ATAD3B: variants seen among roughly 807,000 people sequenced by gnomAD.
ATAD3B encodes ATPase family AAA domain containing 3B.
A neutral mutation model predicts 70.2 loss-of-function variants in ATAD3B; 59 were observed. The ratio of observed to expected loss-of-function variants is 0.84; its 90% CI spans 0.68 to 1.04. The LOEUF (loss-of-function observed/expected upper bound fraction) is 1.04, where lower values mean the gene tolerates loss of function less well. ATAD3B is among the 50% of genes least tolerant of loss of function. The pLI is 0.00. For synonymous variants in ATAD3B, 423 were observed against 388.6 expected (o/e 1.09, Z -1.04); for missense variants, 961 against 913.4 (o/e 1.05, Z -0.67).
At chr1:1,472,395 CG>C (rs1299851485) in intron 1 of ATAD3B, among the ~76,000 whole-genome samples, 2 of 152,084 alleles carry the variant, frequency 1.3e-5, no homozygotes, top group South Asian at 2.1e-4. Flanking sequence ...GCCGAGCGTG[CG>C]GGATCCTTCT....
At chr1:1,489,618 C>T in intron 13 of ATAD3B, 1 of 1,299,696 alleles carries the variant, frequency 7.7e-7, no homozygotes, top group Non-Finnish European at 1.0e-6. Context: ...GGGTGACCGG[C>T]CCTATGTCCA....
At chr1:1,491,327 T>C (rs1222597057) in intron 15 of ATAD3B, among the ~76,000 whole-genome samples, 1 of 151,798 alleles carries the variant, frequency 6.6e-6, no homozygotes, top group Non-Finnish European at 1.5e-5. Flanking sequence ...CGGGGTCAGA[T>C]TGAGACCATC....
the ATAD3B span, among the ~76,000 whole-genome samples, chr1:1,507,595 G>A: frequency 6.6e-6 from 1 of 152,142 alleles, no homozygotes; most frequent in Non-Finnish European, 1.5e-5. Context: ...TCACTTTGCT[G>A]GCATTTTGTT....
chr1:1,496,316 C>T lies in ATAD3B; in HGVS notation c.*499C>T, dbSNP rs1280818502. ...AGGCTGGAGCTTTCTGGAGAATTTA[C>T]TGATCACAGAGCGGTGTGCTTCACA... On this transcript the variant is annotated 3_prime_UTR_variant, in exon 16 of 16. Coordinates refer to ENST00000673477, the MANE Select transcript of ATAD3B (RefSeq NM_031921.6). The T allele has an allele frequency of 1.1e-6, 1 of 890,810 alleles. No individual in the cohort carries two copies. Among genetic ancestry groups the T allele is most frequent in the African/African-American group, 1.8e-5 (1 of 55,664 alleles). The allele number at this position is 890,810 out of a possible 1,614,324, so 55.2% of individuals were successfully genotyped here.
chr1:1,505,508 C>A, the ATAD3B span, among the ~76,000 whole-genome samples: 1 of 152,080 alleles, frequency 6.6e-6, no homozygotes, highest in Non-Finnish European at 1.5e-5. Context: ...CTCTAAACTC[C>A]CCCGGGGAAA....
chr1:1,498,078 G>A (rs376413730), downstream of ATAD3B, among the ~76,000 whole-genome samples: 35 of 151,852 alleles, frequency 2.3e-4, no homozygotes, highest in East Asian at 6.4e-3. Context: ...TGAGGCGGGT[G>A]GATCACCTGA....
At chr1:1,487,796 G>A (rs369424999) in intron 11 of ATAD3B, 67 bp from the exon 12 acceptor site, 9 of 1,587,278 alleles carry the variant, frequency 5.7e-6, no homozygotes, top group Non-Finnish European at 7.8e-6. Context: ...TCCTGCCGCG[G>A]CCGGACGCTG....
rs1367298362 is a variant in ATAD3B at position 1,482,455 on chromosome 1, C to T, written c.681-90C>T. The T allele has an allele frequency of 7.3e-5, 117 of 1,606,618 alleles. 3 individuals are homozygous for T. The highest frequency in any genetic ancestry group is 1.8e-4 in the Admixed American group (11 of 59,794). On this transcript the variant is annotated intron_variant, in intron 6 of 15. Coordinates refer to ENST00000673477, the MANE Select transcript of ATAD3B (RefSeq NM_031921.6). ...CCCCTCTGTCCTGGCAAGGCCGTGC[C>T]GCCATGTCAGGGCCTCACCCTCAAC...
chr1:1,504,507 G>A, the ATAD3B span, among the ~76,000 whole-genome samples: 3 of 151,848 alleles, frequency 2.0e-5, no homozygotes, highest in South Asian at 2.1e-4. Context: ...AAAATTAGCC[G>A]GGCGTGGTGG....
intron 10 of ATAD3B, 151 bp from the exon 11 acceptor site, chr1:1,486,393 C>G (rs1238440578): frequency 6.3e-7 from 1 of 1,581,974 alleles, no homozygotes; most frequent in Non-Finnish European, 8.6e-7. Context: ...CAGCGCCTCC[C>G]ATCTTCCAGG....
downstream of ATAD3B, among the ~76,000 whole-genome samples, chr1:1,499,472 T>C (rs1328500203): frequency 6.6e-6 from 1 of 151,632 alleles, no homozygotes. Flanking sequence ...CCTGACCTCA[T>C]GATCCGCACT....
chr1:1,474,674 G>GT lies in ATAD3B; in HGVS notation c.205+2592dup, dbSNP rs200910752. 9.9e-3 allele frequency among the ~76,000 whole-genome samples: 1,499 copies of GT among 151,952 alleles called. 36 individuals are homozygous for GT. The highest frequency in any genetic ancestry group is 0.034 in the African/African-American group (1,397 of 41,432). On this transcript the variant is annotated intron_variant, in intron 1 of 15. Coordinates refer to ENST00000673477, the MANE Select transcript of ATAD3B (RefSeq NM_031921.6). ...GCCAGCACACCTGGCTAATTTTTGTGTTTTTTTACTAGAGACGGGGTTTCA... is the reference window on the plus strand; with the variant it reads ...GCCAGCACACCTGGCTAATTTTTGTGTTTTTTTTACTAGAGACGGGGTTTCA...
chr1:1,489,163 C>A (rs765870857), intron 12 of ATAD3B, 41 bp from the exon 13 acceptor site: 1 of 1,612,384 alleles, frequency 6.2e-7, no homozygotes, highest in South Asian at 1.1e-5. Context: ...GTTTACAAGG[C>A]TTTGCTTCTG....
At chr1:1,486,271 C>T (rs776167469) in intron 10 of ATAD3B, 36 bp downstream of exon 10, 23 of 1,611,840 alleles carry the variant, frequency 1.4e-5, no homozygotes, top group East Asian at 2.2e-5. Flanking sequence ...GGCCAGGGGC[C>T]GCTGGGGTCT....
rs778595226 is a variant in ATAD3B, at chr1:1,477,347, C to G, written c.279C>G (p.Leu93=). 2.5e-6 allele frequency: 4 copies of G among 1,612,120 alleles called. No individual in the cohort carries two copies. Among genetic ancestry groups the G allele is most frequent in the East Asian group, 4.5e-5 (2 of 44,880 alleles). ...QTLQLEQQSK[L]KEYEAAVEQL... is the part of the protein sequence containing the mutation. ...TGCAGTTGGAGCAACAGTCCAAGCT[C>G]AAAGTGAGTGGGGCCGGTGTGGGCG... The change falls in exon 2 of 16, where the codon CTC becomes CTG. Residue 93 remains leucine (L), a synonymous_variant. Transcript: ENST00000673477.
At chr1:1,486,396 C>T in intron 10 of ATAD3B, 148 bp from the exon 11 acceptor site, 4 of 1,581,984 alleles carry the variant, frequency 2.5e-6, no homozygotes, top group Non-Finnish European at 3.4e-6. Context: ...CGCCTCCCAT[C>T]TTCCAGGCGG....
chr1:1,473,212 T>G (rs1239092710), intron 1 of ATAD3B, among the ~76,000 whole-genome samples: 1 of 128,090 alleles, frequency 7.8e-6, no homozygotes, highest in African/African-American at 3.0e-5. Flanking sequence ...TGATCTCCAC[T>G]CACTGCAAGC....
downstream of ATAD3B, among the ~76,000 whole-genome samples, chr1:1,501,367 G>T (rs904169409): frequency 6.6e-6 from 1 of 151,768 alleles, no homozygotes; most frequent in Non-Finnish European, 1.5e-5. Context: ...CCATTCTCCT[G>T]CCTCAGCCTC....
At chr1:1,503,256 C>A in the ATAD3B span, 1 of 249,508 alleles carries the variant, frequency 4.0e-6, no homozygotes, top group Non-Finnish European at 8.0e-6. Context: ...GCATATGTAT[C>A]ATGATAAAAT....
Sources: gnomAD v4.1 joint callset for allele counts (sites outside exome capture counted in the v4.1 genomes callset) on GRCh38, gnomAD v4.1.1 for gene constraint, MANE v1.5 for transcripts, NCBI Gene and HGNC (gene_info 2026-07-23, HGNC 2026-07-21) for gene names.